GRM8: variants seen among roughly 807,000 people sequenced by gnomAD.
GRM8 encodes glutamate metabotropic receptor 8.
Under a neutral mutation model 87.2 loss-of-function variants are expected in GRM8, and 47 were observed. The observed-to-expected ratio is 0.54, with a 90% confidence interval of 0.43 to 0.69. The LOEUF (loss-of-function observed/expected upper bound fraction) is 0.69. GRM8 is among the 30% of genes least tolerant of loss of function. GRM8 has a pLI of 0.00. For missense variants in GRM8, 1,019 were observed against 1,139.2 expected, an observed-to-expected ratio of 0.89 and a Z score of 1.52; for synonymous variants, 396 against 404.5, an observed-to-expected ratio of 0.98 and a Z score of 0.25.
chr7:127,239,886 T>C (rs1208993663), intron 2 of GRM8, among the ~76,000 whole-genome samples: 1 of 152,230 alleles, frequency 6.6e-6, no homozygotes, highest in East Asian at 1.9e-4. Flanking sequence ...ACTTTTGAAT[T>C]ACAGACGATT....
At chr7:127,217,042 CT>C (rs1236198465) in intron 2 of GRM8, among the ~76,000 whole-genome samples, 1 of 152,110 alleles carries the variant, frequency 6.6e-6, no homozygotes, top group African/African-American at 2.4e-5. Flanking sequence ...CTCATTTATT[CT>C]TTACTTTTCT....
chr7:126,690,541 C>T lies in GRM8; in HGVS notation c.1357+79324G>A, dbSNP rs185988513. Among the ~76,000 whole-genome samples the T allele has an allele frequency of 1.8e-3, 277 of 152,274 alleles. 1 individual carries two copies. Among genetic ancestry groups the T allele is most frequent in the African/African-American group, 6.4e-3 (268 of 41,570 alleles). On this transcript the variant is annotated intron_variant, in intron 7 of 10. Transcript: ENST00000339582. ...TGTCACATCCCTGGCTCAGGGAGTT[C>T]CTTGGTCTGGGCTCCCCAAAGGGCC...
intron 7 of GRM8, among the ~76,000 whole-genome samples, chr7:126,691,092 C>T (rs931851180): frequency 1.3e-5 from 2 of 152,182 alleles, no homozygotes; most frequent in African/African-American, 4.8e-5. Flanking sequence ...ATTAACCTGC[C>T]ATTTACAGTG....
intron 6 of GRM8, among the ~76,000 whole-genome samples, chr7:126,827,417 A>G (rs2130323181): frequency 6.6e-6 from 1 of 152,286 alleles, no homozygotes; most frequent in South Asian, 2.1e-4. Flanking sequence ...TTCTCCTTGA[A>G]GAGGTCCTTC....
At chr7:126,905,921 T>C (rs1022206293) in intron 3 of GRM8, among the ~76,000 whole-genome samples, 1 of 152,284 alleles carries the variant, frequency 6.6e-6, no homozygotes, top group African/African-American at 2.4e-5. Context: ...AGCATGATCA[T>C]GGCCTATGGT....
chr7:127,156,486 T>TGCC (rs1792740726), intron 2 of GRM8, among the ~76,000 whole-genome samples: 1 of 151,818 alleles, frequency 6.6e-6, no homozygotes, highest in African/African-American at 2.4e-5. Flanking sequence ...AAGAGCAGAG[T>TGCC]TTCTTATAAA....
At chr7:126,808,846 C>G (rs1036467172) in intron 6 of GRM8, among the ~76,000 whole-genome samples, 2 of 152,158 alleles carry the variant, frequency 1.3e-5, no homozygotes, top group African/African-American at 4.8e-5. Flanking sequence ...TTTGCCTCCT[C>G]CATTACATTT....
intron 3 of GRM8, among the ~76,000 whole-genome samples, chr7:127,003,600 T>G (rs2132049647): frequency 6.6e-6 from 1 of 151,900 alleles, no homozygotes; most frequent in East Asian, 1.9e-4. Context: ...TATGTGTAGC[T>G]GTGTCGTGTC....
At chr7:127,245,050 C>G (rs765543203) in intron 1 of GRM8, among the ~76,000 whole-genome samples, 1 of 152,354 alleles carries the variant, frequency 6.6e-6, no homozygotes, top group East Asian at 1.9e-4. Flanking sequence ...ATTCTCCTAG[C>G]AGCTGCTTTT....
intron 6 of GRM8, among the ~76,000 whole-genome samples, chr7:126,888,788 T>A (rs1800729473): frequency 6.6e-6 from 1 of 152,102 alleles, no homozygotes; most frequent in Non-Finnish European, 1.5e-5. Context: ...GGGAAAGCTT[T>A]GTTGTGCATG....
intron 9 of GRM8, chr7:126,511,940 T>G (rs542599864): frequency 6.6e-6 from 1 of 152,106 alleles, no homozygotes; most frequent in South Asian, 2.1e-4. Flanking sequence ...CATAGAAAAC[T>G]GAGTTAAAAC....
At chr7:126,500,852 A>G (rs773495947) in intron 9 of GRM8, among the ~76,000 whole-genome samples, 4 of 152,040 alleles carry the variant, frequency 2.6e-5, no homozygotes, top group Non-Finnish European at 5.9e-5. Flanking sequence ...TTTTAATTGA[A>G]TAATGTCAAA....
intron 10 of GRM8, 118 bp downstream of exon 10, chr7:126,446,008 C>T (rs1198527114): frequency 2.7e-5 from 32 of 1,183,474 alleles, no homozygotes; most frequent in African/African-American, 7.5e-5. Flanking sequence ...TATGTGAGTA[C>T]CATCATGCCC....
intron 3 of GRM8, among the ~76,000 whole-genome samples, chr7:127,017,801 GA>G (rs1815835477): frequency 6.6e-6 from 1 of 151,756 alleles, no homozygotes; most frequent in African/African-American, 2.4e-5. Context: ...AGCAGGGACA[GA>G]AAAATAGAAA....
intron 8 of GRM8, among the ~76,000 whole-genome samples, chr7:126,607,317 A>C (rs1798458244): frequency 6.6e-6 from 1 of 152,246 alleles, no homozygotes; most frequent in African/African-American, 2.4e-5. Context: ...TATTAAATGC[A>C]TAGCTGCAAT....
At chr7:127,064,212 T>C (rs957419007) in intron 3 of GRM8, among the ~76,000 whole-genome samples, 1 of 152,218 alleles carries the variant, frequency 6.6e-6, no homozygotes, top group Non-Finnish European at 1.5e-5. Context: ...TCTCTAATAC[T>C]GTCAGTAAAA....
chr7:126,495,058 A>C (rs955741909), intron 9 of GRM8, among the ~76,000 whole-genome samples: 14 of 152,068 alleles, frequency 9.2e-5, no homozygotes, highest in African/African-American at 3.4e-4. Context: ...TAACTGTTTA[A>C]TCTTTCAAGT....
chr7:126,920,068 GA>G (rs1804353999), intron 3 of GRM8, among the ~76,000 whole-genome samples: 1 of 152,148 alleles, frequency 6.6e-6, no homozygotes, highest in Non-Finnish European at 1.5e-5. Context: ...GAAGTCATGA[GA>G]GTAAGACTCC....
chr7:127,105,547 C>G (rs187318687), intron 3 of GRM8, among the ~76,000 whole-genome samples: 3 of 152,284 alleles, frequency 2.0e-5, no homozygotes, highest in African/African-American at 7.2e-5. Flanking sequence ...AAGCCCAAAT[C>G]ATTCCCATGA....
Sources: gnomAD v4.1 joint callset for allele counts (sites outside exome capture counted in the v4.1 genomes callset) on GRCh38, gnomAD v4.1.1 for gene constraint, MANE v1.5 for transcripts, NCBI Gene and HGNC (gene_info 2026-07-23, HGNC 2026-07-21) for gene names.